The following KLF12 variants were observed in gnomAD, a reference collection of about 807,000 sequenced individuals.
The protein encoded by KLF12 is KLF transcription factor 12.
KLF12 carries 9 observed loss-of-function variants against 37.8 expected under a neutral mutation model. The ratio of observed to expected loss-of-function variants is 0.24; its 90% CI spans 0.14 to 0.42. The LOEUF (loss-of-function observed/expected upper bound fraction) is 0.42. Among genes scored for constraint, KLF12 ranks in the 10% least tolerant of loss-of-function variants. The pLI, the probability that KLF12 is intolerant of heterozygous loss-of-function variation, is 1.00. For synonymous variants in KLF12, 208 were observed against 202.1 expected (o/e 1.03, Z -0.25); for missense variants, 411 against 516.0 (o/e 0.80, Z 1.97).
intron 3 of KLF12, among the ~76,000 whole-genome samples, chr13:73,851,973 T>C (rs1182892112): frequency 1.3e-5 from 2 of 152,146 alleles, no homozygotes; most frequent in Admixed American, 6.5e-5. Flanking sequence ...AATTTTTTAT[T>C]AGTAGTAAAT....
At chr13:74,114,752 T>C (rs904834219) in intron 1 of KLF12, among the ~76,000 whole-genome samples, 2 of 152,210 alleles carry the variant, frequency 1.3e-5, no homozygotes, top group Non-Finnish European at 2.9e-5. Context: ...TGGGTGTTCA[T>C]CTCACAGATG....
the KLF12 span, among the ~76,000 whole-genome samples, chr13:74,263,756 TTCTC>T: frequency 6.6e-6 from 1 of 152,118 alleles, no homozygotes; most frequent in Non-Finnish European, 1.5e-5. Flanking sequence ...AAAAAATAAA[TTCTC>T]TCTGTCTATC....
chr13:74,086,346 T>C (rs546007273), intron 1 of KLF12, among the ~76,000 whole-genome samples: 1 of 145,152 alleles, frequency 6.9e-6, no homozygotes, highest in African/African-American at 2.5e-5. Flanking sequence ...TCAGTTCCCA[T>C]CTATGAGTGA....
chr13:73,761,424 G>A (rs1879538757), intron 6 of KLF12, among the ~76,000 whole-genome samples: 1 of 152,022 alleles, frequency 6.6e-6, no homozygotes, highest in Non-Finnish European at 1.5e-5. Context: ...CTTAATCACT[G>A]GAGACAACTC....
intron 3 of KLF12, among the ~76,000 whole-genome samples, chr13:73,867,598 A>G (rs962870552): frequency 1.5e-5 from 1 of 65,452 alleles, no homozygotes; most frequent in African/African-American, 4.3e-5. Context: ...AGGGCTATAG[A>G]AGACAGGGGG....
At chr13:73,854,010 C>G (rs547760597) in intron 3 of KLF12, among the ~76,000 whole-genome samples, 1 of 152,086 alleles carries the variant, frequency 6.6e-6, no homozygotes, top group Non-Finnish European at 1.5e-5. Context: ...TGGATTAAGT[C>G]CTATTATCTT....
intron 1 of KLF12, among the ~76,000 whole-genome samples, chr13:74,116,349 T>C (rs1172641818): frequency 6.6e-6 from 1 of 152,266 alleles, no homozygotes; most frequent in Non-Finnish European, 1.5e-5. Context: ...AGTGGGAACC[T>C]GCTTTAAGTG....
chr13:73,806,449 T>C (rs1882633135), intron 5 of KLF12, among the ~76,000 whole-genome samples: 1 of 152,014 alleles, frequency 6.6e-6, no homozygotes, highest in African/African-American at 2.4e-5. Flanking sequence ...TAGGCTGGTC[T>C]TGAACTCCTG....
chr13:73,853,839 C>A (rs1048176757), intron 3 of KLF12, among the ~76,000 whole-genome samples: 1 of 151,928 alleles, frequency 6.6e-6, no homozygotes, highest in Non-Finnish European at 1.5e-5. Flanking sequence ...AATACACAAA[C>A]CTTTAGCAAA....
At chr13:74,241,656 G>A in the KLF12 span, among the ~76,000 whole-genome samples, 6 of 152,330 alleles carry the variant, frequency 3.9e-5, no homozygotes, top group African/African-American at 9.6e-5. Context: ...CTCGTGGTGC[G>A]CCGTTTTTTA....
chr13:73,960,208 T>C (rs1890976746), intron 2 of KLF12, among the ~76,000 whole-genome samples: 1 of 152,160 alleles, frequency 6.6e-6, no homozygotes, highest in African/African-American at 2.4e-5. Flanking sequence ...ATATATTAAA[T>C]ATGTAGCTCT....
the KLF12 span, among the ~76,000 whole-genome samples, chr13:74,206,702 C>CT: frequency 3.1e-4 from 47 of 152,334 alleles, no homozygotes; most frequent in African/African-American, 1.1e-3. Context: ...TTAGGCTACA[C>CT]TTTGTCTTTC....
intron 1 of KLF12, among the ~76,000 whole-genome samples, chr13:74,012,723 A>G (rs1400151855): frequency 1.3e-5 from 2 of 152,246 alleles, no homozygotes; most frequent in Non-Finnish European, 2.9e-5. Flanking sequence ...CATAATTTTC[A>G]TAACAGGTAA....
chr13:73,870,998 T>C (rs1594194771), intron 3 of KLF12, among the ~76,000 whole-genome samples: 1 of 152,234 alleles, frequency 6.6e-6, no homozygotes. Flanking sequence ...GAGATATGAC[T>C]GATTAGTTGT....
intron 5 of KLF12, among the ~76,000 whole-genome samples, chr13:73,803,772 T>TCTCACA (rs1040863122): frequency 3.5e-5 from 5 of 141,950 alleles, no homozygotes; most frequent in African/African-American, 1.3e-4. Flanking sequence ...TACTGCAGAG[T>TCTCACA]CACACACACA....
At chr13:74,040,312 G>A (rs1893367090) in intron 1 of KLF12, among the ~76,000 whole-genome samples, 1 of 152,148 alleles carries the variant, frequency 6.6e-6, no homozygotes, top group Admixed American at 6.5e-5. Context: ...CCATCAAGGA[G>A]GGCATCTATG....
intron 2 of KLF12, among the ~76,000 whole-genome samples, chr13:73,974,499 A>C (rs2138132122): frequency 6.6e-6 from 1 of 152,312 alleles, no homozygotes; most frequent in Admixed American, 6.5e-5. Context: ...TTGACTATAA[A>C]AGAAAATATA....
chr13:73,928,276 AAGG>A (rs1889499885), intron 3 of KLF12, among the ~76,000 whole-genome samples: 1 of 152,228 alleles, frequency 6.6e-6, no homozygotes, highest in Non-Finnish European at 1.5e-5. Context: ...CCTTTAGCTA[AAGG>A]TTAAGTGTTA....
intron 6 of KLF12, among the ~76,000 whole-genome samples, chr13:73,752,955 T>C (rs1024487059): frequency 1.3e-5 from 2 of 151,988 alleles, no homozygotes; most frequent in Non-Finnish European, 2.9e-5. Context: ...GGTTTCACTG[T>C]ATTGACCAGG....
Sources: gnomAD v4.1 joint callset for allele counts (sites outside exome capture counted in the v4.1 genomes callset) on GRCh38, gnomAD v4.1.1 for gene constraint, MANE v1.5 for transcripts, NCBI Gene and HGNC (gene_info 2026-07-23, HGNC 2026-07-21) for gene names.